ZNF407: variants seen among roughly 807,000 people sequenced by gnomAD.
The protein encoded by ZNF407 is zinc finger protein 407.
ZNF407 carries 17 observed loss-of-function variants against 131.2 expected under a neutral mutation model. The ratio of observed to expected loss-of-function variants is 0.13; its 90% CI spans 0.09 to 0.19. The LOEUF (loss-of-function observed/expected upper bound fraction) is 0.19, where lower values mean the gene tolerates loss of function less well. Ranked by LOEUF, ZNF407 falls within the 10% of genes least tolerant of loss-of-function variation. The probability of loss-of-function intolerance (pLI) is 1.00; values close to 1 mark genes in which losing one functional copy is unlikely to be tolerated. For missense variants in ZNF407, 2,681 were observed against 2,830.6 expected (o/e 0.95, Z 1.20); for synonymous variants, 1,156 against 1,062.0 (o/e 1.09, Z -1.72).
intron 8 of ZNF407, among the ~76,000 whole-genome samples, chr18:75,010,152 G>A (rs1005422518): frequency 6.6e-6 from 1 of 152,108 alleles, no homozygotes; most frequent in Non-Finnish European, 1.5e-5. Flanking sequence ...TTTTCTGATC[G>A]TGTGTTTGCT....
chr18:74,774,458 C>T (rs1030645290), intron 3 of ZNF407, among the ~76,000 whole-genome samples: 1 of 152,132 alleles, frequency 6.6e-6, no homozygotes, highest in Non-Finnish European at 1.5e-5. Context: ...TTCGAGATTA[C>T]TACCTTAAAC....
At chr18:74,598,775 T>G (rs1445401583) in intron 1 of ZNF407, among the ~76,000 whole-genome samples, 1 of 152,272 alleles carries the variant, frequency 6.6e-6, no homozygotes, top group Non-Finnish European at 1.5e-5. Flanking sequence ...TCCAGCCAGC[T>G]AGCACGCCCT....
intron 8 of ZNF407, among the ~76,000 whole-genome samples, chr18:74,934,372 G>A (rs937914304): frequency 9.2e-5 from 14 of 152,108 alleles, no homozygotes; most frequent in African/African-American, 2.7e-4. Flanking sequence ...TCCTTGTCTG[G>A]TTTCATTAAG....
rs567209987 is a variant in ZNF407 at position 74,633,936 on chromosome 18, G to A, written c.2917G>A (p.Val973Ile). Residue 973 changes from valine to isoleucine, a missense_variant, in exon 2 of 9, where the codon GTA (valine) becomes ATA (isoleucine). Around this residue, in one of 6 missense-constraint regions of ZNF407, gnomAD observed 1,789 missense variants for 1,748.7 expected, o/e 1.02. Coordinates refer to ENST00000299687, the MANE Select transcript of ZNF407 (RefSeq NM_017757.3). The stretch of plus-strand genomic sequence containing the variant: ...CTCAATTGAAGCTGAAGTTGAAAAT[G>A]TATTTCATTCTCTAGATGGAGAAGT... ...GNSIEAEVEN[V>I]FHSLDGEVNS... The A allele has an allele frequency of 6.2e-7, 1 of 1,614,008 alleles. No individual in the cohort carries two copies. The highest frequency in any genetic ancestry group is 1.1e-5 in the South Asian group (1 of 91,076).
chr18:74,916,625 C>T (rs1277370916), intron 7 of ZNF407, among the ~76,000 whole-genome samples: 3 of 63,008 alleles, frequency 4.8e-5, no homozygotes, highest in African/African-American at 1.5e-4. Flanking sequence ...TGGTTCGAAT[C>T]GGGAGTGTGT....
intron 3 of ZNF407, among the ~76,000 whole-genome samples, chr18:74,655,060 GT>G (rs1186120148): frequency 1.3e-5 from 2 of 151,694 alleles, no homozygotes; most frequent in East Asian, 3.8e-4. Flanking sequence ...ATTTATTTTA[GT>G]TTGTTCCAAA....
At chr18:74,644,970 A>G (rs1984901239) in intron 3 of ZNF407, among the ~76,000 whole-genome samples, 1 of 151,498 alleles carries the variant, frequency 6.6e-6, no homozygotes, top group Non-Finnish European at 1.5e-5. Flanking sequence ...CCACATTTAC[A>G]TTTTTTTAAA....
chr18:74,717,862 T>C (rs117112919), intron 3 of ZNF407, among the ~76,000 whole-genome samples: 2,605 of 152,326 alleles, frequency 0.017, 24 homozygotes, highest in Non-Finnish European at 0.029. Context: ...CCTTTGAGTG[T>C]CATATCTGTG....
intron 8 of ZNF407, among the ~76,000 whole-genome samples, chr18:75,038,669 A>G (rs1486814338): frequency 6.6e-6 from 1 of 152,220 alleles, no homozygotes; most frequent in African/African-American, 2.4e-5. Context: ...GCCAGTTTCT[A>G]AGAAACAGAA....
intron 3 of ZNF407, among the ~76,000 whole-genome samples, chr18:74,722,008 C>T (rs141720985): frequency 6.7e-6 from 1 of 149,978 alleles, no homozygotes; most frequent in African/African-American, 2.4e-5. Context: ...GTTAGCTGTT[C>T]TTGTATGTGA....
At chr18:74,759,854 G>A (rs1346831011) in intron 3 of ZNF407, among the ~76,000 whole-genome samples, 1 of 131,992 alleles carries the variant, frequency 7.6e-6, no homozygotes, top group Non-Finnish European at 1.6e-5. Flanking sequence ...TAGTGTTTTT[G>A]TCTAGCAGTC....
At chr18:74,767,238 C>G (rs1969255157) in intron 3 of ZNF407, among the ~76,000 whole-genome samples, 1 of 152,074 alleles carries the variant, frequency 6.6e-6, no homozygotes, top group Non-Finnish European at 1.5e-5. Flanking sequence ...TAAAAAGATT[C>G]CTGAGTCTTT....
At chr18:74,780,572 A>G (rs1969579041) in intron 3 of ZNF407, among the ~76,000 whole-genome samples, 1 of 152,210 alleles carries the variant, frequency 6.6e-6, no homozygotes, top group African/African-American at 2.4e-5. Context: ...AATTAACTTT[A>G]TGAAGGACAG....
intron 1 of ZNF407, among the ~76,000 whole-genome samples, chr18:74,617,070 T>TCCATGCA (rs1983336161): frequency 8.8e-5 from 1 of 11,408 alleles, no homozygotes; most frequent in Non-Finnish European, 1.7e-4. Context: ...CACATCCATA[T>TCCATGCA]CCACACACAT....
At chr18:74,854,830 C>T (rs974184175) in intron 4 of ZNF407, among the ~76,000 whole-genome samples, 8 of 152,082 alleles carry the variant, frequency 5.3e-5, no homozygotes, top group East Asian at 1.9e-4. Context: ...AAGTGTTCTG[C>T]GGGCTTCTCT....
At chr18:74,865,012 G>A (rs1970991005) in intron 4 of ZNF407, among the ~76,000 whole-genome samples, 2 of 152,146 alleles carry the variant, frequency 1.3e-5, no homozygotes, top group Non-Finnish European at 2.9e-5. Flanking sequence ...CTCCATAGGG[G>A]GATGTATTAA....
chr18:74,613,045 A>G (rs1160999131), intron 1 of ZNF407, among the ~76,000 whole-genome samples: 1 of 152,222 alleles, frequency 6.6e-6, no homozygotes, highest in Non-Finnish European at 1.5e-5. Context: ...TTAAAAGTAT[A>G]AGAAGTAGTT....
chr18:74,684,865 T>G (rs1024471005), intron 3 of ZNF407, among the ~76,000 whole-genome samples: 5 of 152,234 alleles, frequency 3.3e-5, no homozygotes, highest in Non-Finnish European at 7.3e-5. Flanking sequence ...TATTCCTTCT[T>G]GTCATTTTTA....
chr18:74,948,389 A>G (rs1599258953), intron 8 of ZNF407, among the ~76,000 whole-genome samples: 1 of 152,320 alleles, frequency 6.6e-6, no homozygotes, highest in East Asian at 1.9e-4. Context: ...TTGTAAAACA[A>G]CATGTTCCAG....
Sources: allele counts gnomAD v4.1 joint callset (sites outside exome capture counted in the v4.1 genomes callset), GRCh38; gene constraint gnomAD v4.1.1; regional missense constraint gnomAD v4.1.1; transcripts MANE v1.5; gene names NCBI Gene and HGNC (gene_info 2026-07-23, HGNC 2026-07-21).